The following THSD7A variants were observed in gnomAD, a reference collection of about 807,000 sequenced individuals.
THSD7A encodes the protein thrombospondin type 1 domain containing 7A.
In THSD7A, 96 loss-of-function variants were observed where a neutral mutation model predicts 231.3. That is an observed-to-expected ratio of 0.41 (90% confidence interval 0.35 to 0.49). The LOEUF is 0.49. THSD7A is among the 20% of genes least tolerant of loss of function. THSD7A has a pLI of 0.05. For missense variants in THSD7A, 2,290 were observed against 2,070.2 expected (o/e 1.11, Z -2.06); for synonymous variants, 940 against 743.3 (o/e 1.26, Z -4.30).
intron 23 of THSD7A, among the ~76,000 whole-genome samples, chr7:11,386,468 T>G (rs190764917): frequency 6.6e-6 from 1 of 152,366 alleles, no homozygotes; most frequent in Non-Finnish European, 1.5e-5. Flanking sequence ...TAATGACCAG[T>G]GATGATGAGC....
chr7:11,438,397 G>A (rs1784698699), intron 13 of THSD7A, among the ~76,000 whole-genome samples: 1 of 151,916 alleles, frequency 6.6e-6, no homozygotes, highest in African/African-American at 2.4e-5. Context: ...AGTGCAAACT[G>A]GTATGAAAGC....
At chr7:11,426,713 TA>T (rs1784332179) in intron 14 of THSD7A, 42 bp from the exon 15 acceptor site, 6 of 1,547,324 alleles carry the variant, frequency 3.9e-6, no homozygotes, top group Non-Finnish European at 5.2e-6. Context: ...GGGAGAGAAA[TA>T]AGGTAGGTGA....
intron 1 of THSD7A, among the ~76,000 whole-genome samples, chr7:11,801,383 A>G (rs78116156): frequency 0.028 from 4,262 of 152,124 alleles, 191 homozygotes; most frequent in African/African-American, 0.096. Flanking sequence ...AGTCTTTTAC[A>G]TACATTACTT....
At chr7:11,609,357 C>T (rs1196863464) in intron 2 of THSD7A, among the ~76,000 whole-genome samples, 1 of 151,880 alleles carries the variant, frequency 6.6e-6, no homozygotes, top group Non-Finnish European at 1.5e-5. Flanking sequence ...TCATGGGACA[C>T]AATGTAATAA....
intron 9 of THSD7A, among the ~76,000 whole-genome samples, chr7:11,468,637 C>A (rs1214589371): frequency 6.6e-6 from 1 of 151,990 alleles, no homozygotes; most frequent in East Asian, 1.9e-4. Context: ...AGTTCTAGAC[C>A]AGCCTGGCCA....
intron 6 of THSD7A, among the ~76,000 whole-genome samples, chr7:11,504,305 A>C (rs914014271): frequency 1.3e-5 from 2 of 152,126 alleles, no homozygotes; most frequent in South Asian, 4.1e-4. Context: ...ACTGGCGTCC[A>C]CTTGATGGGA....
intron 4 of THSD7A, among the ~76,000 whole-genome samples, chr7:11,570,394 A>C (rs1321960497): frequency 6.6e-6 from 1 of 152,114 alleles, no homozygotes; most frequent in Non-Finnish European, 1.5e-5. Context: ...TAATGGGGCA[A>C]ATACACAGGA....
intron 1 of THSD7A, among the ~76,000 whole-genome samples, chr7:11,764,547 G>A (rs1403759933): frequency 1.2e-4 from 18 of 147,916 alleles, no homozygotes; most frequent in African/African-American, 4.5e-4. Context: ...TCCGGCCTGG[G>A]TGAAAGAACG....
chr7:11,431,576 CAT>C (rs1246850219), intron 13 of THSD7A, among the ~76,000 whole-genome samples: 2 of 152,164 alleles, frequency 1.3e-5, no homozygotes, highest in African/African-American at 4.8e-5. Context: ...GATAGTACCA[CAT>C]AGTCTTGACT....
intron 1 of THSD7A, chr7:11,820,353 T>C: frequency 9.2e-7 from 1 of 1,089,932 alleles, no homozygotes; most frequent in Non-Finnish European, 1.2e-6. Context: ...CCTTCTCTTC[T>C]CTGTTCTCTG....
chr7:11,523,887 T>A (rs75489892), intron 6 of THSD7A, among the ~76,000 whole-genome samples: 3,836 of 152,220 alleles, frequency 0.025, 68 homozygotes, highest in Non-Finnish European at 0.039. Context: ...ACAATTTTTT[T>A]AAATAAGAAT....
intron 13 of THSD7A, among the ~76,000 whole-genome samples, chr7:11,438,940 T>C (rs1784717645): frequency 6.6e-6 from 1 of 152,044 alleles, no homozygotes; most frequent in South Asian, 2.1e-4. Flanking sequence ...AGATATATTT[T>C]AATATTTTGG....
chr7:11,592,822 T>G (rs1397493450), intron 3 of THSD7A, among the ~76,000 whole-genome samples: 1 of 152,176 alleles, frequency 6.6e-6, no homozygotes, highest in East Asian at 1.9e-4. Context: ...GAATGGAGGT[T>G]GACAAACTGT....
intron 9 of THSD7A, among the ~76,000 whole-genome samples, chr7:11,463,536 A>G (rs1024414275): frequency 3.9e-5 from 6 of 152,254 alleles, no homozygotes; most frequent in Middle Eastern, 3.4e-3. Context: ...ACCTATCCCA[A>G]TGTAAGATTC....
In THSD7A at chr7:11,733,304, T is replaced by C. The variant is rs774335171; in HGVS notation, c.191-96343A>G. On this transcript the variant is annotated intron_variant, in intron 1 of 27. Coordinates refer to ENST00000423059, the MANE Select transcript of THSD7A (RefSeq NM_015204.3). ...CTGTTGTTATCCCCATGAATTTTCATTTGATAGAAATTACATCTTGATTTA... is the reference window on the plus strand; with the variant it reads ...CTGTTGTTATCCCCATGAATTTTCACTTGATAGAAATTACATCTTGATTTA... 2.6e-5 allele frequency among the ~76,000 whole-genome samples: 4 copies of C among 151,916 alleles called. No homozygotes were observed. The South Asian group carries it at 6.2e-4, about 24-fold the overall frequency.
At chr7:11,549,949 C>T (rs1220195417) in intron 4 of THSD7A, among the ~76,000 whole-genome samples, 1 of 152,028 alleles carries the variant, frequency 6.6e-6, no homozygotes, top group Non-Finnish European at 1.5e-5. Context: ...CCCACTCTCA[C>T]CACTCCTATT....
chr7:11,546,223 C>CAA (rs1554335298), intron 4 of THSD7A, among the ~76,000 whole-genome samples: 16 of 148,822 alleles, frequency 1.1e-4, no homozygotes, highest in Admixed American at 2.8e-4. Context: ...CACACACACA[C>CAA]ACACACACGT....
intron 4 of THSD7A, among the ~76,000 whole-genome samples, chr7:11,552,848 A>C (rs1278688614): frequency 6.6e-6 from 1 of 152,072 alleles, no homozygotes; most frequent in Non-Finnish European, 1.5e-5. Context: ...AGCTATGTAA[A>C]CATCATACCT....
chr7:11,380,889 G>C (rs1328729319), intron 24 of THSD7A, among the ~76,000 whole-genome samples: 1 of 152,120 alleles, frequency 6.6e-6, no homozygotes, highest in Admixed American at 6.6e-5. Flanking sequence ...TTAAAAATAT[G>C]ATTTTATAGG....
Sources: allele counts gnomAD v4.1 joint callset (sites outside exome capture counted in the v4.1 genomes callset), GRCh38; gene constraint gnomAD v4.1.1; transcripts MANE v1.5; gene names NCBI Gene and HGNC (gene_info 2026-07-23, HGNC 2026-07-21).